FAM200B: variants seen among roughly 807,000 people sequenced by gnomAD.
The protein encoded by FAM200B is protein FAM200B.
A neutral mutation model predicts 33.1 loss-of-function variants in FAM200B; 32 were observed. That is an observed-to-expected ratio of 0.97 (90% confidence interval 0.73 to 1.30). The LOEUF (loss-of-function observed/expected upper bound fraction) is 1.30. Among genes scored for constraint, FAM200B ranks in the 50% most tolerant of loss-of-function variants. The probability of loss-of-function intolerance (pLI) is 0.00; values close to 1 mark genes in which losing one functional copy is unlikely to be tolerated. For synonymous variants in FAM200B, 240 were observed against 264.8 expected, an observed-to-expected ratio of 0.91 and a Z score of 0.91; for missense variants, 741 against 754.0, an observed-to-expected ratio of 0.98 and a Z score of 0.20.
the FAM200B span, among the ~76,000 whole-genome samples, chr4:15,666,939 G>T: frequency 1.3e-5 from 2 of 151,220 alleles, no homozygotes; most frequent in Non-Finnish European, 2.9e-5. Flanking sequence ...ATTCCACATT[G>T]TAGACATATA....
the FAM200B span, chr4:15,641,495 T>G: frequency 1.1e-5 from 4 of 379,578 alleles, no homozygotes; most frequent in South Asian, 8.1e-5. Context: ...CGTATGATGT[T>G]CTTAGTAACA....
At chr4:15,652,682 A>G in the FAM200B span, among the ~76,000 whole-genome samples, 13,870 of 152,246 alleles carry the variant, frequency 0.091, 776 homozygotes, top group Non-Finnish European at 0.12. Flanking sequence ...GCTTAAGCAT[A>G]TAAGTGGTTT....
the FAM200B span, chr4:15,644,489 T>C: frequency 6.2e-7 from 1 of 1,602,158 alleles, no homozygotes; most frequent in South Asian, 1.1e-5. Context: ...TTTTTGCAAC[T>C]TACCTTAACA....
At chr4:15,641,707 T>A in the FAM200B span, 1 of 434,672 alleles carries the variant, frequency 2.3e-6, no homozygotes, top group Non-Finnish European at 4.6e-6. Flanking sequence ...CTAATCCCCA[T>A]GTTGTTCAAG....
At chr4:15,645,719 G>A in the FAM200B span, among the ~76,000 whole-genome samples, 4 of 152,130 alleles carry the variant, frequency 2.6e-5, no homozygotes, top group Admixed American at 6.6e-5. Context: ...AAGCTACCAC[G>A]CCCGGCCTAC....
In FAM200B at chr4:15,687,005, A is replaced by C; in HGVS notation, c.28A>C (p.Arg10=). MDHFFIKRK[R]NSEVKYTEAC... ...GGATCATTTCTTTATTAAAAGAAAG[A>C]GGAATAGTGAAGTGAAATATACAGA... The change falls in exon 2 of 2, where the codon AGG becomes CGG. Residue 10 remains arginine (R), a synonymous_variant. Transcript: ENST00000422728. 7.0e-7 allele frequency: 1 copy of C among 1,418,532 alleles called. No homozygotes were observed. 87.9% of individuals were successfully genotyped at this position (1,418,532 alleles called of 1,614,324 possible). A position where few individuals can be genotyped will look rare whatever the true frequency, so the allele number is the denominator to read the frequency against.
At chr4:15,670,919 T>G in the FAM200B span, among the ~76,000 whole-genome samples, 2 of 133,166 alleles carry the variant, frequency 1.5e-5, no homozygotes, top group East Asian at 4.3e-4. Context: ...GTAGACTTTT[T>G]TTTTTTTTTT....
At chr4:15,640,199 C>A in the FAM200B span, among the ~76,000 whole-genome samples, 1 of 151,934 alleles carries the variant, frequency 6.6e-6, no homozygotes, top group South Asian at 2.1e-4. Flanking sequence ...TGCCACCATG[C>A]CCAGCTGATT....
upstream of FAM200B, among the ~76,000 whole-genome samples, chr4:15,679,961 C>T (rs61064380): frequency 1.3e-5 from 2 of 152,272 alleles, no homozygotes; most frequent in African/African-American, 2.4e-5. Flanking sequence ...AGAGTTGTTT[C>T]TAATATCTGA....
chr4:15,644,678 CGTT>C, the FAM200B span: 2 of 1,607,500 alleles, frequency 1.2e-6, no homozygotes, highest in Non-Finnish European at 8.5e-7. Context: ...GCACGGAAAT[CGTT>C]GTTGTTGGAA....
At chr4:15,660,415 C>CA in the FAM200B span, among the ~76,000 whole-genome samples, 1 of 152,028 alleles carries the variant, frequency 6.6e-6, no homozygotes, top group Non-Finnish European at 1.5e-5. Flanking sequence ...AACAGAGTAC[C>CA]AAAAAATCCC....
At chr4:15,642,991 G>C in the FAM200B span, among the ~76,000 whole-genome samples, 1 of 151,860 alleles carries the variant, frequency 6.6e-6, no homozygotes, top group African/African-American at 2.4e-5. Flanking sequence ...TCTCAAGTCT[G>C]ATCCCCTCCC....
the FAM200B span, among the ~76,000 whole-genome samples, chr4:15,647,563 T>C: frequency 2.6e-5 from 4 of 152,220 alleles, no homozygotes; most frequent in Non-Finnish European, 5.9e-5. Flanking sequence ...ATTTTGCATA[T>C]ATTCTCATTA....
chr4:15,680,737 T>TC (rs773947476), upstream of FAM200B, among the ~76,000 whole-genome samples: 38 of 151,992 alleles, frequency 2.5e-4, no homozygotes, highest in Non-Finnish European at 5.0e-4. Context: ...GACTGTGTAA[T>TC]CCTACAAGAA....
At chr4:15,672,195 T>TG in the FAM200B span, among the ~76,000 whole-genome samples, 1 of 152,250 alleles carries the variant, frequency 6.6e-6, no homozygotes, top group Non-Finnish European at 1.5e-5. Flanking sequence ...CTAGGGCTAA[T>TG]GGTTTCCCAC....
the FAM200B span, among the ~76,000 whole-genome samples, chr4:15,672,317 A>G: frequency 6.6e-6 from 1 of 152,224 alleles, no homozygotes; most frequent in Non-Finnish European, 1.5e-5. Flanking sequence ...GCACGACACA[A>G]TTACAGTCAT....
the FAM200B span, among the ~76,000 whole-genome samples, chr4:15,656,923 G>A: frequency 6.7e-6 from 1 of 150,098 alleles, no homozygotes; most frequent in African/African-American, 2.4e-5. Flanking sequence ...TCAAAAATCT[G>A]TCATATAAAT....
the FAM200B span, among the ~76,000 whole-genome samples, chr4:15,639,724 G>A: frequency 2.0e-5 from 3 of 152,172 alleles, no homozygotes; most frequent in African/African-American, 7.2e-5. Flanking sequence ...GGGGGGCCCT[G>A]AAAAAATACC....
At chr4:15,654,576 G>A in the FAM200B span, among the ~76,000 whole-genome samples, 1 of 152,216 alleles carries the variant, frequency 6.6e-6, no homozygotes, top group Non-Finnish European at 1.5e-5. Flanking sequence ...CAAGGAAAAC[G>A]ATAACGACAC....
Sources: gnomAD v4.1 joint callset for allele counts (sites outside exome capture counted in the v4.1 genomes callset) on GRCh38, gnomAD v4.1.1 for gene constraint, MANE v1.5 for transcripts, NCBI Gene and HGNC (gene_info 2026-07-23, HGNC 2026-07-21) for gene names.